The following ATP9B variants were observed in gnomAD, a reference collection of about 807,000 sequenced individuals.
ATP9B encodes the protein ATPase phospholipid transporting 9B, also known as probable phospholipid-transporting ATPase IIB.
In ATP9B, 110 loss-of-function variants were observed where a neutral mutation model predicts 146.1. The ratio of observed to expected loss-of-function variants is 0.75; its 90% confidence interval spans 0.65 to 0.88. The LOEUF is 0.88. Ranked by LOEUF, ATP9B falls within the 40% of genes least tolerant of loss-of-function variation. ATP9B has a pLI of 0.00. For synonymous variants in ATP9B, 604 were observed against 569.7 expected, an observed-to-expected ratio of 1.06 and a Z score of -0.86; for missense variants, 1,499 against 1,496.4, an observed-to-expected ratio of 1.00 and a Z score of -0.03.
At chr18:79,173,182 T>C (rs1600158250) in intron 7 of ATP9B, among the ~76,000 whole-genome samples, 1 of 152,236 alleles carries the variant, frequency 6.6e-6, no homozygotes, top group African/African-American at 2.4e-5. Context: ...TAATTGGATT[T>C]ATTTTAAACT....
chr18:79,099,325 G>T (rs1189029975), intron 2 of ATP9B, among the ~76,000 whole-genome samples: 1 of 151,986 alleles, frequency 6.6e-6, no homozygotes, highest in East Asian at 1.9e-4. Context: ...GGGTTCAAGC[G>T]ATTCTCCTTC....
intron 26 of ATP9B, among the ~76,000 whole-genome samples, chr18:79,367,258 G>C (rs1170385785): frequency 7.4e-6 from 1 of 135,610 alleles, no homozygotes; most frequent in African/African-American, 2.8e-5. Context: ...CCTCCACCGT[G>C]TGTACGCAGA....
At chr18:79,082,710 G>T (rs753488651) in intron 1 of ATP9B, among the ~76,000 whole-genome samples, 1 of 152,216 alleles carries the variant, frequency 6.6e-6, no homozygotes, top group African/African-American at 2.4e-5. Context: ...TCCAGATCCT[G>T]TTTACCTGGG....
intron 5 of ATP9B, 115 bp downstream of exon 5, chr18:79,126,490 T>A: frequency 1.5e-6 from 1 of 667,678 alleles, no homozygotes; most frequent in Admixed American, 3.2e-5. Context: ...TAGTATTATG[T>A]GATTGTATAT....
chr18:79,375,325 A>G (rs2097096667), intron 28 of ATP9B, 69 bp from the exon 29 acceptor site: 1 of 1,359,714 alleles, frequency 7.4e-7, no homozygotes, highest in Non-Finnish European at 1.0e-6. Context: ...TTCTTTTGCT[A>G]ACCCCTTGAA....
intron 3 of ATP9B, 100 bp downstream of exon 3, chr18:79,110,605 G>A: frequency 8.6e-7 from 1 of 1,157,736 alleles, no homozygotes. Flanking sequence ...TAGGTATTGA[G>A]TTGTGTCACA....
chr18:79,139,336 C>A (rs949590699), intron 5 of ATP9B, among the ~76,000 whole-genome samples: 2 of 152,138 alleles, frequency 1.3e-5, no homozygotes, highest in East Asian at 1.9e-4. Flanking sequence ...AGTACATAAT[C>A]GAGTGTGCTA....
At chr18:79,091,963 TTAG>T (rs1176935796) in intron 1 of ATP9B, among the ~76,000 whole-genome samples, 2 of 152,220 alleles carry the variant, frequency 1.3e-5, no homozygotes, top group Non-Finnish European at 2.9e-5. Flanking sequence ...CTTTTAGATC[TTAG>T]TGGTGATTTG....
At chr18:79,130,803 T>G (rs2094365706) in intron 5 of ATP9B, among the ~76,000 whole-genome samples, 1 of 151,694 alleles carries the variant, frequency 6.6e-6, no homozygotes, top group Admixed American at 6.6e-5. Flanking sequence ...TTTAAAATGG[T>G]GAGAGAGAGA....
At chr18:79,315,023 G>A (rs534437284) in intron 15 of ATP9B, among the ~76,000 whole-genome samples, 1 of 152,330 alleles carries the variant, frequency 6.6e-6, no homozygotes, top group East Asian at 1.9e-4. Context: ...CTCTAGACTA[G>A]CTGTTTAGTA....
chr18:79,229,199 A>C (rs11660910), intron 11 of ATP9B, among the ~76,000 whole-genome samples: 8,690 of 152,262 alleles, frequency 0.057, 474 homozygotes, highest in African/African-American at 0.14. Flanking sequence ...ATGTAGAATT[A>C]TGTAATTACT....
At chr18:79,273,535 A>G (rs1290060328) in intron 12 of ATP9B, among the ~76,000 whole-genome samples, 1 of 152,240 alleles carries the variant, frequency 6.6e-6, no homozygotes, top group East Asian at 1.9e-4. Context: ...ATTAGAATCC[A>G]AAAAATAAGT....
At chr18:79,122,639 T>A (rs2094209753) in intron 4 of ATP9B, among the ~76,000 whole-genome samples, 1 of 152,200 alleles carries the variant, frequency 6.6e-6, no homozygotes, top group Admixed American at 6.5e-5. Context: ...TGAAACTGCT[T>A]GTTTAAATAT....
intron 15 of ATP9B, among the ~76,000 whole-genome samples, chr18:79,314,494 A>C (rs2096668892): frequency 6.6e-6 from 1 of 152,216 alleles, no homozygotes; most frequent in African/African-American, 2.4e-5. Context: ...AGGCATAAGC[A>C]ATTAAACACT....
At chr18:79,208,110 T>G (rs774218460) in intron 10 of ATP9B, among the ~76,000 whole-genome samples, 6 of 151,990 alleles carry the variant, frequency 3.9e-5, no homozygotes, top group Non-Finnish European at 7.4e-5. Context: ...CCGGGCGTGG[T>G]GGCGGGCGCC....
At chr18:79,086,421 G>A (rs563852587) in intron 1 of ATP9B, 6 of 96,818 alleles carry the variant, frequency 6.2e-5, no homozygotes, top group East Asian at 3.1e-4. Context: ...GGGAGACAGA[G>A]CAAGGCTCTA....
intron 13 of ATP9B, among the ~76,000 whole-genome samples, chr18:79,294,073 C>T (rs948479381): frequency 1.3e-5 from 2 of 152,148 alleles, no homozygotes; most frequent in Non-Finnish European, 2.9e-5. Context: ...GAAAGGACAT[C>T]TAACTAAAGC....
At chr18:79,279,696 A>G (rs1295501466) in intron 13 of ATP9B, among the ~76,000 whole-genome samples, 1 of 152,214 alleles carries the variant, frequency 6.6e-6, no homozygotes, top group Non-Finnish European at 1.5e-5. Context: ...GTAAGACCTA[A>G]ATGGATGTAA....
chr18:79,081,641 C>CGAAGGGTTT (rs2073272338), intron 1 of ATP9B, among the ~76,000 whole-genome samples: 3 of 147,924 alleles, frequency 2.0e-5, no homozygotes, highest in Non-Finnish European at 3.0e-5. Flanking sequence ...CCCTTTTCTT[C>CGAAGGGTTT]GAAGGGTTTT....
Sources: gnomAD v4.1 joint callset for allele counts (sites outside exome capture counted in the v4.1 genomes callset) on GRCh38, gnomAD v4.1.1 for gene constraint, MANE v1.5 for transcripts, NCBI Gene and HGNC (gene_info 2026-07-23, HGNC 2026-07-21) for gene names.